The following SLC4A4 variants were observed in gnomAD, a reference collection of about 807,000 sequenced individuals.
SLC4A4 encodes the protein electrogenic sodium bicarbonate cotransporter 1.
A neutral mutation model predicts 111.5 loss-of-function variants in SLC4A4; 27 were observed. That is an observed-to-expected ratio of 0.24 (90% CI 0.18 to 0.33). SLC4A4 has a LOEUF of 0.33. Among genes scored for constraint, SLC4A4 ranks in the 10% least tolerant of loss-of-function variants. SLC4A4 has a pLI of 1.00. For synonymous variants in SLC4A4, 443 were observed against 463.4 expected, an observed-to-expected ratio of 0.96 and a Z score of 0.57; for missense variants, 909 against 1,315.5, an observed-to-expected ratio of 0.69 and a Z score of 4.78.
At chr4:71,182,868 T>C (rs1745336986), upstream of SLC4A4, among the ~76,000 whole-genome samples, 2 of 152,138 alleles carry the variant, frequency 1.3e-5, no homozygotes, top group Admixed American at 6.5e-5. Context: ...TGGGTTTTAG[T>C]GGCTTAGTAG....
intron 2 of SLC4A4, among the ~76,000 whole-genome samples, chr4:71,137,404 A>ATTC (rs890411511): frequency 1.3e-5 from 2 of 152,206 alleles, no homozygotes; most frequent in African/African-American, 4.8e-5. Flanking sequence ...ATGGCATGGA[A>ATTC]AGTGGTGCTT....
At chr4:71,228,122 C>T (rs1205853562) in intron 1 of SLC4A4, among the ~76,000 whole-genome samples, 2 of 152,202 alleles carry the variant, frequency 1.3e-5, no homozygotes, top group Non-Finnish European at 2.9e-5. Context: ...AGCACTTTCT[C>T]CCTTCATCTT....
chr4:71,235,208 A>C (rs1197052347), intron 1 of SLC4A4, among the ~76,000 whole-genome samples: 1 of 152,238 alleles, frequency 6.6e-6, no homozygotes, highest in Non-Finnish European at 1.5e-5. Flanking sequence ...TGGTAGAGCT[A>C]GATTTCTTAA....
intron 2 of SLC4A4, among the ~76,000 whole-genome samples, chr4:71,119,679 T>G (rs1213954860): frequency 6.6e-6 from 1 of 152,262 alleles, no homozygotes. Context: ...GGCTTGAATC[T>G]GGCTTGAAAT....
chr4:71,512,079 G>A (rs1052381809), intron 16 of SLC4A4, among the ~76,000 whole-genome samples: 5 of 152,192 alleles, frequency 3.3e-5, no homozygotes, highest in East Asian at 1.9e-4. Context: ...CGGTAAACAC[G>A]TGAGTGCAGA....
At chr4:71,076,271 C>T (rs1442094167) in intron 1 of SLC4A4, among the ~76,000 whole-genome samples, 1 of 152,100 alleles carries the variant, frequency 6.6e-6, no homozygotes, top group Non-Finnish European at 1.5e-5. Context: ...CTACTTTTGT[C>T]TGTAATCCCA....
At chr4:71,467,402 G>A (rs1438042341) in intron 13 of SLC4A4, among the ~76,000 whole-genome samples, 1 of 152,044 alleles carries the variant, frequency 6.6e-6, no homozygotes, top group Non-Finnish European at 1.5e-5. Context: ...CATTTATTGA[G>A]AGTTGATCAT....
At chr4:71,362,852 G>A (rs1730916705) in intron 6 of SLC4A4, among the ~76,000 whole-genome samples, 1 of 152,206 alleles carries the variant, frequency 6.6e-6, no homozygotes, top group South Asian at 2.1e-4. Flanking sequence ...TAGGCTTCTT[G>A]CTGCTTTCCC....
chr4:71,230,988 C>A, intron 1 of SLC4A4, among the ~76,000 whole-genome samples: 1 of 152,312 alleles, frequency 6.6e-6, no homozygotes, highest in Non-Finnish European at 1.5e-5. Flanking sequence ...TTGGCAAAAG[C>A]TTGGGCTAGG....
At chr4:71,186,079 T>TAG (rs1487700758), upstream of SLC4A4, among the ~76,000 whole-genome samples, 1 of 152,222 alleles carries the variant, frequency 6.6e-6, no homozygotes, top group African/African-American at 2.4e-5. Flanking sequence ...TCTTAATGGT[T>TAG]TACTTATGAT....
Position 71,443,144 on chromosome 4 carries a change from A to ATATATATG in SLC4A4, c.965+2378_965+2379insGTATATAT, listed in dbSNP as rs1724914129. 2.2e-5 allele frequency among the ~76,000 whole-genome samples: 3 copies of ATATATATG among 136,546 alleles called. No homozygotes were observed. In the Admixed American group the frequency reaches 2.2e-4, roughly 10 times the overall value. The allele number at this position is 136,546 out of a possible 152,430, so 89.6% of individuals were successfully genotyped here. A position where few individuals can be genotyped will look rare whatever the true frequency, so the allele number is the denominator to read the frequency against. ...TATATATATATATATATATATATAT[A>ATATATATG]TATATATAAATTTTTTGAAGGGGGG... On this transcript the variant is annotated intron_variant, in intron 8 of 25. Coordinates refer to ENST00000264485, the MANE Select transcript of SLC4A4 (RefSeq NM_001098484.3).
chr4:71,213,534 T>C (rs1718254963), intron 1 of SLC4A4, among the ~76,000 whole-genome samples: 1 of 152,244 alleles, frequency 6.6e-6, no homozygotes, highest in Non-Finnish European at 1.5e-5. Flanking sequence ...GAGTCATTTC[T>C]GTGGCTGTCA....
chr4:71,424,581 G>A (rs1166682742), intron 7 of SLC4A4, among the ~76,000 whole-genome samples: 4 of 151,942 alleles, frequency 2.6e-5, no homozygotes, highest in Non-Finnish European at 5.9e-5. Flanking sequence ...GCAAAGACTT[G>A]GAACCAACCC....
rs192424269 is a variant in SLC4A4 at position 71,227,832 on chromosome 4, A to G, written c.-1-8744A>G. On this transcript the variant is annotated intron_variant, in intron 1 of 25. Transcript: ENST00000264485. ...CCTTGAAGAAGGGTGATTGAAAGCT[A>G]AAAGAGTTTAGAAGGGAGCTTCTTT... Among the ~76,000 whole-genome samples the G allele has an allele frequency of 3.3e-5, 5 of 152,300 alleles. No homozygotes were observed. In the East Asian group the frequency reaches 7.7e-4, roughly 23 times the overall value.
intron 18 of SLC4A4, among the ~76,000 whole-genome samples, chr4:71,544,972 T>C (rs774146751): frequency 1.3e-5 from 2 of 152,048 alleles, no homozygotes; most frequent in Non-Finnish European, 2.9e-5. Context: ...CTCAGATATA[T>C]CATGGTATTC....
intron 14 of SLC4A4, among the ~76,000 whole-genome samples, chr4:71,475,448 T>C (rs1237021750): frequency 1.3e-5 from 2 of 151,928 alleles, no homozygotes; most frequent in Non-Finnish European, 2.9e-5. Flanking sequence ...GGGTGGAATC[T>C]ATTTTACACT....
chr4:71,387,953 T>C (rs1718909889), intron 6 of SLC4A4, among the ~76,000 whole-genome samples: 2 of 152,180 alleles, frequency 1.3e-5, no homozygotes, highest in Admixed American at 6.5e-5. Flanking sequence ...CTTGGAATGA[T>C]GTGGCTGCAG....
At chr4:71,371,834 C>G (rs1282398034) in intron 6 of SLC4A4, among the ~76,000 whole-genome samples, 1 of 152,108 alleles carries the variant, frequency 6.6e-6, no homozygotes, top group Admixed American at 6.5e-5. Context: ...GTACTTGAAA[C>G]AAGGGTGTTG....
chr4:71,238,381 A>G (rs148864490), intron 2 of SLC4A4, among the ~76,000 whole-genome samples: 1 of 152,352 alleles, frequency 6.6e-6, no homozygotes, highest in Non-Finnish European at 1.5e-5. Context: ...TAAGACGACA[A>G]TATAAATGAA....
Sources: allele counts gnomAD v4.1 joint callset (sites outside exome capture counted in the v4.1 genomes callset), GRCh38; gene constraint gnomAD v4.1.1; transcripts MANE v1.5; gene names NCBI Gene and HGNC (gene_info 2026-07-23, HGNC 2026-07-21).